SLC41A2: variants seen among roughly 807,000 people sequenced by gnomAD.
SLC41A2 encodes the protein SLC41A1-like 1.
A neutral mutation model predicts 58.3 loss-of-function variants in SLC41A2; 32 were observed. That is an observed-to-expected ratio of 0.55 (90% CI 0.41 to 0.74). SLC41A2 has a LOEUF of 0.74. Among genes scored for constraint, SLC41A2 ranks in the 30% least tolerant of loss-of-function variants. SLC41A2 has a pLI of 0.00. For missense variants in SLC41A2, 514 were observed against 680.6 expected, an observed-to-expected ratio of 0.76 and a Z score of 2.72; for synonymous variants, 190 against 235.0, an observed-to-expected ratio of 0.81 and a Z score of 1.75.
At chr12:104,867,605 T>C (rs977543181) in intron 6 of SLC41A2, among the ~76,000 whole-genome samples, 1 of 151,764 alleles carries the variant, frequency 6.6e-6, no homozygotes, top group Non-Finnish European at 1.5e-5. Context: ...TTGAACTACA[T>C]ACAAACCCAA....
intron 8 of SLC41A2, among the ~76,000 whole-genome samples, chr12:104,853,927 T>TTTTTTTTA (rs2042919246): frequency 2.2e-5 from 3 of 135,022 alleles, no homozygotes; most frequent in South Asian, 2.3e-4. Flanking sequence ...TTTTTTTTTT[T>TTTTTTTTA]TTTTTTTTTT....
chr12:104,885,907 T>C (rs2135642160), intron 6 of SLC41A2, among the ~76,000 whole-genome samples: 1 of 152,226 alleles, frequency 6.6e-6, no homozygotes, highest in East Asian at 1.9e-4. Context: ...GATGGTTCTA[T>C]ACAGAGAACA....
In SLC41A2 at chr12:104,942,777, G is replaced by A. The variant is rs556803838; in HGVS notation, c.-167-14083C>T. 5.9e-5 allele frequency among the ~76,000 whole-genome samples: 9 copies of A among 152,174 alleles called. No homozygotes were observed. In the South Asian group the frequency reaches 1.9e-3, roughly 32 times the overall value. Reference sequence around the variant, plus strand: ...CTAGTTTTATTTTCTCTGGTACTCTGTAAGTTGTATTATTTATGTTTTATT... The same window carrying A: ...CTAGTTTTATTTTCTCTGGTACTCTATAAGTTGTATTATTTATGTTTTATT... On this transcript the variant is annotated intron_variant, in intron 1 of 10. Transcript: ENST00000258538.
intron 1 of SLC41A2, among the ~76,000 whole-genome samples, chr12:104,932,371 A>G (rs1043498457): frequency 2.0e-5 from 3 of 152,158 alleles, no homozygotes; most frequent in African/African-American, 7.2e-5. Context: ...CATGCCTGCA[A>G]TCACAGCATT....
At chr12:104,853,911 A>ATTTTTTTTTT (rs1555202443) in intron 8 of SLC41A2, among the ~76,000 whole-genome samples, 14 of 59,496 alleles carry the variant, frequency 2.4e-4, no homozygotes, top group African/African-American at 9.7e-4. Flanking sequence ...TGCCTGGCTG[A>ATTTTTTTTTT]TTTTTTTTTT....
chr12:104,923,278 T>C (rs77421608), intron 2 of SLC41A2, among the ~76,000 whole-genome samples: 1 of 143,534 alleles, frequency 7.0e-6, no homozygotes, highest in Admixed American at 7.2e-5. Flanking sequence ...AGGAGAATGG[T>C]GTGAATCCAG....
chr12:104,944,145 T>G (rs573423107), intron 1 of SLC41A2, among the ~76,000 whole-genome samples: 2 of 152,246 alleles, frequency 1.3e-5, no homozygotes, highest in Non-Finnish European at 2.9e-5. Flanking sequence ...ATAATTTTCA[T>G]GGCTATCACA....
chr12:104,919,229 C>T (rs374315506), intron 2 of SLC41A2, among the ~76,000 whole-genome samples: 15 of 152,042 alleles, frequency 9.9e-5, no homozygotes, highest in Admixed American at 1.3e-4. Context: ...ATGAATTTAC[C>T]AAAGTTTAAC....
chr12:104,811,249 CTGTTG>C (rs1471244098), intron 10 of SLC41A2, among the ~76,000 whole-genome samples: 1 of 152,130 alleles, frequency 6.6e-6, no homozygotes, highest in Non-Finnish European at 1.5e-5. Flanking sequence ...TTCACCACGT[CTGTTG>C]TAAGAGCAAA....
At chr12:104,811,147 C>T (rs912736109) in intron 10 of SLC41A2, among the ~76,000 whole-genome samples, 2 of 152,058 alleles carry the variant, frequency 1.3e-5, no homozygotes, top group African/African-American at 4.8e-5. Context: ...CTGTTGCTAC[C>T]CTAAGGACTG....
In SLC41A2 at chr12:104,906,764, A is replaced by T. The variant is rs76604314; in HGVS notation, c.663+2891T>A. 8.5e-5 allele frequency among the ~76,000 whole-genome samples: 13 copies of T among 152,210 alleles called. No homozygotes were observed. In the East Asian group the frequency reaches 2.1e-3, roughly 25 times the overall value. ...AACGACGAACGCATTTAACATGCTT[A>T]AAAAGCATGTTAAAAGCCCAGCTGT... On this transcript the variant is annotated intron_variant, in intron 3 of 10. Coordinates refer to ENST00000258538, the MANE Select transcript of SLC41A2 (RefSeq NM_001352171.3).
chr12:104,806,652 A>G (rs1216165531), intron 10 of SLC41A2, among the ~76,000 whole-genome samples: 2 of 151,764 alleles, frequency 1.3e-5, no homozygotes, highest in Admixed American at 6.6e-5. Context: ...TGACTTCCAC[A>G]ATGGTTGAAC....
chr12:104,909,861 C>A, intron 2 of SLC41A2, 99 bp from the exon 3 acceptor site: 1 of 763,714 alleles, frequency 1.3e-6, no homozygotes, highest in Admixed American at 3.0e-5. Flanking sequence ...CCCAACTTGG[C>A]ATCTACATTT....
chr12:104,861,570 C>T (rs1234058696), intron 7 of SLC41A2, among the ~76,000 whole-genome samples, 200 bp from the exon 8 acceptor site: 1 of 152,138 alleles, frequency 6.6e-6, no homozygotes. Context: ...GCTCTAGCCC[C>T]AAATTTCAGA....
At chr12:104,937,072 T>C (rs897148222) in intron 1 of SLC41A2, among the ~76,000 whole-genome samples, 7 of 152,208 alleles carry the variant, frequency 4.6e-5, no homozygotes, top group Non-Finnish European at 1.0e-4. Context: ...GATTGTGCAC[T>C]GCACCCCAGT....
At chr12:104,805,439 T>C in intron 10 of SLC41A2, 102 bp from the exon 11 acceptor site, 1 of 829,352 alleles carries the variant, frequency 1.2e-6, no homozygotes. Flanking sequence ...GGACCGTATG[T>C]GTCTAAGTCA....
chr12:104,876,331 T>C (rs998986220), intron 6 of SLC41A2, among the ~76,000 whole-genome samples: 3 of 152,180 alleles, frequency 2.0e-5, no homozygotes, highest in Admixed American at 6.5e-5. Context: ...TCCTAGTTCC[T>C]TGAGGTGTAA....
Position 104,889,256 on chromosome 12 carries a change from T to C in SLC41A2, c.736-79A>G, listed in dbSNP as rs961803705. 6 of 1,409,028 alleles carry C rather than the reference T, an allele frequency of 4.3e-6. No homozygotes were observed. In the African/African-American group the frequency reaches 8.9e-5, roughly 21 times the overall value. 87.3% of individuals were successfully genotyped at this position (1,409,028 alleles called of 1,614,324 possible). ...AACATTTTGATTATGTAAATATTAC[T>C]ACAAAAAGTCAAAAAAAGTATTGCA... On this transcript the variant is annotated intron_variant, in intron 4 of 10. Coordinates refer to ENST00000258538, the MANE Select transcript of SLC41A2 (RefSeq NM_001352171.3).
chr12:104,905,416 G>A (rs998049948), intron 3 of SLC41A2, among the ~76,000 whole-genome samples: 12 of 152,240 alleles, frequency 7.9e-5, no homozygotes, highest in African/African-American at 2.9e-4. Context: ...GACTCTCCAC[G>A]TCCCCACCAG....
Sources: allele counts gnomAD v4.1 joint callset (sites outside exome capture counted in the v4.1 genomes callset), GRCh38; gene constraint gnomAD v4.1.1; transcripts MANE v1.5; gene names NCBI Gene and HGNC (gene_info 2026-07-23, HGNC 2026-07-21).